TP73: variants seen among roughly 807,000 people sequenced by gnomAD.
The protein encoded by TP73 is tumor protein p73.
Under a neutral mutation model 62.5 loss-of-function variants are expected in TP73, and 25 were observed. The ratio of observed to expected loss-of-function variants is 0.40; its 90% CI spans 0.29 to 0.56. The LOEUF is 0.56. Among genes scored for constraint, TP73 ranks in the 20% least tolerant of loss-of-function variants. The pLI, the probability that TP73 is intolerant of heterozygous loss-of-function variation, is 0.46. For synonymous variants in TP73, 423 were observed against 377.5 expected, an observed-to-expected ratio of 1.12 and a Z score of -1.40; for missense variants, 754 against 913.3, an observed-to-expected ratio of 0.83 and a Z score of 2.25.
intron 3 of TP73, among the ~76,000 whole-genome samples, chr1:3,698,825 G>A (rs1472685534): frequency 2.0e-5 from 3 of 152,210 alleles, no homozygotes; most frequent in African/African-American, 7.2e-5. Context: ...CCCCCATGTG[G>A]CGCTAAGCAC....
In TP73 at chr1:3,701,849, C is replaced by A. The variant is rs969116881; in HGVS notation, c.187-5700C>A. Among the ~76,000 whole-genome samples, 1 of 152,172 alleles carries A rather than the reference C, an allele frequency of 6.6e-6. No individual in the cohort carries two copies. Among genetic ancestry groups the A allele is most frequent in the Admixed American group, 6.5e-5 (1 of 15,282 alleles). On this transcript the variant is annotated intron_variant, in intron 3 of 13. Transcript: ENST00000378295. The surrounding 1 kb of genome is among the most constrained non-coding windows in gnomAD (Gnocchi z 4.7). ...CATCCCCACTCTGCAGATGAGAAAA[C>A]GAAGACCTAGGGAGGTGGAGCGATG... is the stretch of plus-strand genomic sequence containing the variant.
chr1:3,730,298 G>A (rs1233185204), intron 11 of TP73, 150 bp downstream of exon 11: 14 of 1,011,888 alleles, frequency 1.4e-5, no homozygotes, highest in South Asian at 2.4e-5. Context: ...GGCAGGAGGC[G>A]CAGCCACGGA....
chr1:3,656,616 A>C (rs1408107487), intron 1 of TP73, among the ~76,000 whole-genome samples: 2 of 152,200 alleles, frequency 1.3e-5, no homozygotes, highest in Non-Finnish European at 2.9e-5. Flanking sequence ...CACAGCTGCA[A>C]AGTACGGGAG....
chr1:3,689,605 G>T (rs1557513861), intron 3 of TP73, among the ~76,000 whole-genome samples: 7 of 152,280 alleles, frequency 4.6e-5, no homozygotes, highest in Admixed American at 1.3e-4. Context: ...GTGGGGGTGG[G>T]GAGCGATGAG....
chr1:3,703,879 A>C (rs1313121960), intron 3 of TP73, among the ~76,000 whole-genome samples: 5 of 152,152 alleles, frequency 3.3e-5, no homozygotes. Flanking sequence ...GAAGTCGTGC[A>C]TCCCTGAGGC....
intron 4 of TP73, among the ~76,000 whole-genome samples, chr1:3,713,190 G>C (rs1640301627): frequency 6.6e-6 from 1 of 152,228 alleles, no homozygotes; most frequent in Non-Finnish European, 1.5e-5. Flanking sequence ...TGCTTTCACT[G>C]CTTGGTTTTG....
At chr1:3,729,826 C>G (rs1416295457) in intron 10 of TP73, 174 bp from the exon 11 acceptor site, 3 of 983,716 alleles carry the variant, frequency 3.0e-6, no homozygotes, top group African/African-American at 3.3e-5. Flanking sequence ...CAGGCGCAGG[C>G]CCAGTGGCCG....
rs755616910 is a variant in TP73 at position 3,683,144 on chromosome 1, C to G, written c.150C>G (p.Asp50Glu). 1 of 1,612,406 alleles carries G rather than the reference C, an allele frequency of 6.2e-7. No homozygotes were observed. Among genetic ancestry groups the G allele is most frequent in the Admixed American group, 1.7e-5 (1 of 59,992 alleles). Residue 50 changes from aspartate to glutamate, a missense_variant, in exon 3 of 14, where the codon GAC (aspartate) becomes GAG (glutamate). By Grantham distance (45) the Asp-to-Glu change is conservative. Coordinates refer to ENST00000378295, the MANE Select transcript of TP73 (RefSeq NM_005427.4). ...TGGGCGGAACGGATTCCAGCATGGA[C>G]GTCTTCCACCTGGAGGGCATGACTA... ...EVVGGTDSSMDVFHLEGMTTS... is the reference protein window; with the variant it reads ...EVVGGTDSSMEVFHLEGMTTS...
chr1:3,681,456 G>T (rs1018996289), intron 1 of TP73, among the ~76,000 whole-genome samples: 3 of 152,170 alleles, frequency 2.0e-5, no homozygotes, highest in Admixed American at 1.3e-4. Context: ...TGGGCCCAGG[G>T]GTTCTCAGGG....
At chr1:3,692,080 G>GGT (rs770296050) in intron 3 of TP73, among the ~76,000 whole-genome samples, 12 of 152,292 alleles carry the variant, frequency 7.9e-5, no homozygotes, top group Non-Finnish European at 7.4e-5. Flanking sequence ...TGTACAGGCT[G>GGT]GTGTGTGTGT....
At chr1:3,684,666 G>T (rs932775718) in intron 3 of TP73, among the ~76,000 whole-genome samples, 5 of 152,110 alleles carry the variant, frequency 3.3e-5, no homozygotes, top group South Asian at 2.1e-4. Flanking sequence ...GCCAGAGAAG[G>T]CACCTCCTTG....
rs59432695 is a variant in TP73 at position 3,666,124 on chromosome 1, CAAAAAAAAAAAAAA to C, written c.-34+13497_-34+13510del. Reference sequence around the variant, plus strand: ...GGGCAACAAGAGCAAAACTCTGTCTCAAAAAAAAAAAAAAAAAAAAAAAAAAAGAGAGAGAGAGA... The same window carrying C: ...GGGCAACAAGAGCAAAACTCTGTCTCAAAAAAAAAAAAAGAGAGAGAGAGA... On this transcript the variant is annotated intron_variant, in intron 1 of 13. Transcript: ENST00000378295. The surrounding 1 kb of genome is among the most constrained non-coding windows in gnomAD (Gnocchi z 6.4). 1.2e-4 allele frequency among the ~76,000 whole-genome samples: 5 copies of C among 41,066 alleles called. No individual in the cohort carries two copies. Among genetic ancestry groups the C allele is most frequent in the African/African-American group, 4.5e-4 (5 of 11,198 alleles). 26.9% of individuals were successfully genotyped at this position (41,066 alleles called of 152,430 possible).
chr1:3,707,805 G>T lies in TP73; in HGVS notation c.429+14G>T. On this transcript the variant is annotated intron_variant, in intron 4 of 13. Transcript: ENST00000378295. ...GCCACCTGGACGGTGAGTTCCCCTA[G>T]TCCCTGAGGGCTGCGGGCTGCGGGC... 4 of 1,609,698 alleles carry T rather than the reference G, an allele frequency of 2.5e-6. No individual in the cohort carries two copies. Among genetic ancestry groups the T allele is most frequent in the Non-Finnish European group, 2.5e-6 (3 of 1,178,060 alleles).
At position 3,672,833 on chromosome 1, in the gene TP73, C is replaced by T. The variant is rs1570397672; in HGVS notation, c.-33-9500C>T. ...CCCAAGGGCCATGTCCCTGCCCACC[C>T]CTTCCACCCCTTTCTTAGAGGAAGC... On this transcript the variant is annotated intron_variant, in intron 1 of 13. Coordinates refer to ENST00000378295, the MANE Select transcript of TP73 (RefSeq NM_005427.4). The surrounding 1 kb of genome is among the most constrained non-coding windows in gnomAD (Gnocchi z 5.3). Among the ~76,000 whole-genome samples, 1 of 152,184 alleles carries T rather than the reference C, an allele frequency of 6.6e-6. No individual in the cohort carries two copies. The highest frequency in any genetic ancestry group is 2.4e-5 in the African/African-American group (1 of 41,444).
chr1:3,684,347 T>G (rs922263247), intron 3 of TP73, among the ~76,000 whole-genome samples: 1 of 152,190 alleles, frequency 6.6e-6, no homozygotes, highest in African/African-American at 2.4e-5. Context: ...CCCTCACTTA[T>G]GCTCAGCCCG....
intron 11 of TP73, 132 bp downstream of exon 11, chr1:3,730,280 A>C: frequency 8.8e-7 from 1 of 1,135,348 alleles, no homozygotes; most frequent in Non-Finnish European, 1.2e-6. Flanking sequence ...CAGCGGTTCC[A>C]CCCTCTGGGC....
intron 3 of TP73, among the ~76,000 whole-genome samples, chr1:3,704,074 C>T (rs1305512005): frequency 1.3e-5 from 2 of 152,208 alleles, no homozygotes; most frequent in Non-Finnish European, 2.9e-5. Flanking sequence ...GTCCTGCATT[C>T]GCTTGTTCGT....
rs758486394 is a variant in TP73 at position 3,707,589 on chromosome 1, G to A, written c.227G>A (p.Ser76Asn). ...NLLSSTMDQM[S>N]SRAASASPYT... ...CTGAGCAGCACCATGGACCAGATGA[G>A]CAGCCGCGCGGCCTCGGCCAGCCCC... Residue 76 changes from serine (S) to asparagine (N), a missense_variant, in exon 4 of 14, where the codon AGC becomes AAC. This residue lies in a region of TP73 where 235 missense variants were observed against 251.4 expected (regional missense o/e 0.93). Transcript: ENST00000378295. 5.0e-6 allele frequency: 8 copies of A among 1,612,386 alleles called. No homozygotes were observed. The highest frequency in any genetic ancestry group is 1.3e-5 in the African/African-American group (1 of 75,002).
chr1:3,697,970 C>T, intron 3 of TP73: 1 of 534,470 alleles, frequency 1.9e-6, no homozygotes, highest in South Asian at 8.1e-5. Flanking sequence ...TGACTGCCTC[C>T]CCCTCCCTGT....
Sources: allele counts gnomAD v4.1 joint callset (sites outside exome capture counted in the v4.1 genomes callset), GRCh38; gene constraint gnomAD v4.1.1; regional missense constraint gnomAD v4.1.1; non-coding constraint Gnocchi (gnomAD v3.1); transcripts MANE v1.5; gene names NCBI Gene and HGNC (gene_info 2026-07-23, HGNC 2026-07-21).